The following DAB2IP variants were observed in gnomAD, a reference collection of about 807,000 sequenced individuals.
The protein encoded by DAB2IP is DAB2 interacting protein.
Under a neutral mutation model 107.2 loss-of-function variants are expected in DAB2IP, and 28 were observed. That is an observed-to-expected ratio of 0.26 (90% confidence interval 0.19 to 0.36). The LOEUF (loss-of-function observed/expected upper bound fraction) is 0.36. Ranked by LOEUF, DAB2IP falls within the 10% of genes least tolerant of loss-of-function variation. The pLI is 1.00. For missense variants in DAB2IP, 1,400 were observed against 1,644.7 expected, an observed-to-expected ratio of 0.85 and a Z score of 2.57; for synonymous variants, 755 against 706.4, an observed-to-expected ratio of 1.07 and a Z score of -1.09.
At chr9:121,717,208 C>G (rs1254867083) in intron 3 of DAB2IP, among the ~76,000 whole-genome samples, 1 of 152,198 alleles carries the variant, frequency 6.6e-6, no homozygotes, top group Non-Finnish European at 1.5e-5. Context: ...CCAGGATCTT[C>G]TAAGTGGTGG....
At chr9:121,758,776 C>G in intron 4 of DAB2IP, 122 bp from the exon 5 acceptor site, 4 of 812,588 alleles carry the variant, frequency 4.9e-6, no homozygotes, top group Non-Finnish European at 8.2e-6. Flanking sequence ...CTGGCTCCTT[C>G]CTGAAGCTGT....
intron 1 of DAB2IP, among the ~76,000 whole-genome samples, chr9:121,572,681 T>A (rs989600530): frequency 1.3e-5 from 2 of 152,182 alleles, no homozygotes; most frequent in African/African-American, 4.8e-5. Flanking sequence ...GACTCAGCCC[T>A]GCCCTGCCTG....
At chr9:121,652,542 C>A (rs1332866247) in intron 1 of DAB2IP, among the ~76,000 whole-genome samples, 2 of 152,114 alleles carry the variant, frequency 1.3e-5, no homozygotes, top group Admixed American at 6.5e-5. Context: ...GGACTTCCTT[C>A]CCTGGCTGAG....
chr9:121,658,355 G>T (rs151150037), intron 1 of DAB2IP, among the ~76,000 whole-genome samples: 50 of 152,300 alleles, frequency 3.3e-4, no homozygotes, highest in African/African-American at 1.2e-3. Flanking sequence ...CATTAAGTAG[G>T]TATTCGGGGA....
At chr9:121,781,677 T>C in intron 15 of DAB2IP, 126 bp downstream of exon 15, 2 of 953,708 alleles carry the variant, frequency 2.1e-6, no homozygotes, top group Non-Finnish European at 3.2e-6. Context: ...AACCAGAATC[T>C]GCCCTGAGAA....
Position 121,772,958 on chromosome 9 carries a change from A to T in DAB2IP, c.2430A>T (p.Pro810=), listed in dbSNP as rs918345702. ...GGGCAGGCCAGACACCAACCACACC[A>T]GGCACCTCCGAGGGCGCGCCAGGCC... The change falls in exon 12 of 16, where the codon CCA becomes CCT. Residue 810 remains proline, a synonymous_variant. Coordinates refer to ENST00000408936, the Ensembl canonical transcript of DAB2IP. The surrounding 1 kb of genome is among the most constrained non-coding windows in gnomAD (Gnocchi z 4.7). 6.3e-7 allele frequency: 1 copy of T among 1,582,346 alleles called. No homozygotes were observed. The highest frequency in any genetic ancestry group is 1.3e-5 in the African/African-American group (1 of 74,614).
At chr9:121,598,268 C>G (rs1356611308) in intron 1 of DAB2IP, 1 of 152,290 alleles carries the variant, frequency 6.6e-6, no homozygotes, top group African/African-American at 2.4e-5. Flanking sequence ...CCCCAGCGGC[C>G]GAATTAACTG....
At chr9:121,769,101 C>T (rs1834509286) in intron 10 of DAB2IP, among the ~76,000 whole-genome samples, 1 of 152,188 alleles carries the variant, frequency 6.6e-6, no homozygotes, top group African/African-American at 2.4e-5. Flanking sequence ...AGTGAGCCCT[C>T]CCTAGCCCGA....
intron 3 of DAB2IP, among the ~76,000 whole-genome samples, chr9:121,713,422 C>G (rs60379594): frequency 1.3e-3 from 191 of 152,286 alleles, no homozygotes; most frequent in African/African-American, 4.4e-3. Context: ...TGGGGCCTGG[C>G]TTTGGAGCCA....
chr9:121,747,954 G>T (rs1564196891), intron 3 of DAB2IP, among the ~76,000 whole-genome samples: 1 of 152,006 alleles, frequency 6.6e-6, no homozygotes, highest in South Asian at 2.1e-4. Flanking sequence ...CAGTTTATAC[G>T]GGGAGAGGAT....
intron 1 of DAB2IP, among the ~76,000 whole-genome samples, chr9:121,580,699 A>G (rs921161743): frequency 2.0e-5 from 3 of 151,374 alleles, no homozygotes; most frequent in Admixed American, 1.3e-4. Context: ...ATCTCAGCTC[A>G]CTGCAAGCTC....
intron 1 of DAB2IP, among the ~76,000 whole-genome samples, chr9:121,625,155 G>C (rs1831599550): frequency 6.6e-6 from 1 of 152,094 alleles, no homozygotes; most frequent in Non-Finnish European, 1.5e-5. Flanking sequence ...GGCTCAGAGA[G>C]AGAGGCTCAG....
chr9:121,706,395 C>T (rs1891538), intron 3 of DAB2IP, among the ~76,000 whole-genome samples: 1 of 152,166 alleles, frequency 6.6e-6, no homozygotes, highest in Non-Finnish European at 1.5e-5. Context: ...GCCTGGGAGC[C>T]TGAGGCAGCT....
At chr9:121,715,211 G>A (rs1170620642) in intron 3 of DAB2IP, among the ~76,000 whole-genome samples, 1 of 152,182 alleles carries the variant, frequency 6.6e-6, no homozygotes, top group East Asian at 1.9e-4. Flanking sequence ...TTGCCTGAGA[G>A]TCTTTAGAGA....
At chr9:121,567,185 C>G in exon 1 of DAB2IP, 1 of 1,613,994 alleles carries the variant, frequency 6.2e-7, no homozygotes, top group South Asian at 1.1e-5. Flanking sequence ...GGGGCCCACA[C>G]GCCATGGAGC....
intron 3 of DAB2IP, among the ~76,000 whole-genome samples, chr9:121,735,565 G>A (rs942544301): frequency 2.6e-5 from 4 of 152,204 alleles, no homozygotes; most frequent in Admixed American, 1.3e-4. Flanking sequence ...CAGGACCTAG[G>A]TGGGACTCCA....
chr9:121,725,924 C>T (rs975845604), intron 3 of DAB2IP, among the ~76,000 whole-genome samples: 1 of 152,134 alleles, frequency 6.6e-6, no homozygotes, highest in African/African-American at 2.4e-5. Context: ...AGAAGCAAGT[C>T]CTTGGCTGTG....
intron 3 of DAB2IP, among the ~76,000 whole-genome samples, chr9:121,747,246 G>A (rs992110073): frequency 6.6e-6 from 1 of 151,872 alleles, no homozygotes; most frequent in Non-Finnish European, 1.5e-5. Flanking sequence ...CTGCAGGGTT[G>A]TCCCTGCTCA....
At position 121,632,789 on chromosome 9, in the gene DAB2IP, C is replaced by A. The variant is rs529046712; in HGVS notation, c.41-45889C>A. 2.1e-3 allele frequency among the ~76,000 whole-genome samples: 326 copies of A among 152,348 alleles called. 2 individuals are homozygous for A. The highest frequency in any genetic ancestry group is 7.5e-3 in the African/African-American group (311 of 41,576). The stretch of plus-strand genomic sequence containing the variant: ...GTCTCAGAGCAGGAAGTGTCTAGAC[C>A]AGCGTCCCACTGTGAGTGAGCGCTG... On this transcript the variant is annotated intron_variant, in intron 1 of 16. Transcript: ENST00000259371.
Sources: allele counts gnomAD v4.1 joint callset (sites outside exome capture counted in the v4.1 genomes callset), GRCh38; gene constraint gnomAD v4.1.1; non-coding constraint Gnocchi (gnomAD v3.1); transcripts MANE v1.5; gene names NCBI Gene and HGNC (gene_info 2026-07-23, HGNC 2026-07-21).